The following PIK3C2G variants were observed in gnomAD, a reference collection of about 807,000 sequenced individuals.
The protein encoded by PIK3C2G is phosphatidylinositol-4-phosphate 3-kinase catalytic subunit type 2 gamma, also known as phosphatidylinositol 3-kinase C2 domain-containing subunit gamma.
A neutral mutation model predicts 181.1 loss-of-function variants in PIK3C2G; 168 were observed. The observed-to-expected ratio is 0.93, with a 90% confidence interval of 0.82 to 1.05. The LOEUF is 1.05. PIK3C2G is among the 50% of genes least tolerant of loss of function. PIK3C2G has a pLI of 0.00. For missense variants in PIK3C2G, 1,869 were observed against 1,732.8 expected (o/e 1.08, Z -1.40); for synonymous variants, 573 against 592.2 (o/e 0.97, Z 0.47).
chr12:18,691,769 T>C, the PIK3C2G span, among the ~76,000 whole-genome samples: 1 of 152,294 alleles, frequency 6.6e-6, no homozygotes, highest in East Asian at 1.9e-4. Flanking sequence ...CAATCCAGTG[T>C]TGTAGGCAAT....
At chr12:18,371,888 G>A (rs1227837520) in intron 13 of PIK3C2G, among the ~76,000 whole-genome samples, 2 of 151,996 alleles carry the variant, frequency 1.3e-5, no homozygotes, top group African/African-American at 2.4e-5. Flanking sequence ...ATTACATGAT[G>A]TTCTATGGTA....
At chr12:18,628,403 G>T (rs1173449831) in intron 31 of PIK3C2G, among the ~76,000 whole-genome samples, 1 of 151,906 alleles carries the variant, frequency 6.6e-6, no homozygotes, top group Admixed American at 6.6e-5. Context: ...TTTCTGTTTT[G>T]ATATATTACC....
chr12:18,340,626 A>G (rs1176275167), intron 9 of PIK3C2G, among the ~76,000 whole-genome samples: 2 of 152,210 alleles, frequency 1.3e-5, no homozygotes, highest in African/African-American at 4.8e-5. Context: ...GATAAAATAC[A>G]TGAGATAAGA....
At chr12:18,366,995 T>A (rs1941690513) in intron 12 of PIK3C2G, among the ~76,000 whole-genome samples, 1 of 152,164 alleles carries the variant, frequency 6.6e-6, no homozygotes, top group Admixed American at 6.5e-5. Context: ...AGATTGGCAG[T>A]AACTATCCAC....
chr12:18,532,163 C>T (rs1401612762), intron 24 of PIK3C2G, among the ~76,000 whole-genome samples: 2 of 138,128 alleles, frequency 1.4e-5, no homozygotes, highest in Admixed American at 7.1e-5. Flanking sequence ...TGTTTATTTA[C>T]AATCTGCAAG....
At chr12:18,544,830 A>T (rs188209241) in intron 25 of PIK3C2G, among the ~76,000 whole-genome samples, 54 of 151,956 alleles carry the variant, frequency 3.6e-4, no homozygotes, top group African/African-American at 1.3e-3. Context: ...ATGACAGTCA[A>T]ATCTGTATTA....
intron 18 of PIK3C2G, among the ~76,000 whole-genome samples, chr12:18,485,082 A>T (rs1939905891): frequency 6.6e-6 from 1 of 152,168 alleles, no homozygotes; most frequent in Non-Finnish European, 1.5e-5. Flanking sequence ...CCCACAGAAA[A>T]TACACACGTG....
the PIK3C2G span, chr12:18,687,966 A>G: frequency 4.6e-6 from 6 of 1,302,732 alleles, no homozygotes; most frequent in African/African-American, 8.9e-5. Context: ...CTAATTTTGG[A>G]CATAATGGAA....
At chr12:18,620,636 A>G (rs1397111926) in intron 31 of PIK3C2G, among the ~76,000 whole-genome samples, 1 of 152,138 alleles carries the variant, frequency 6.6e-6, no homozygotes, top group Non-Finnish European at 1.5e-5. Context: ...ATACTCATCC[A>G]TAACTCTTTA....
At chr12:18,396,159 A>T (rs1943879311) in intron 15 of PIK3C2G, among the ~76,000 whole-genome samples, 1 of 151,688 alleles carries the variant, frequency 6.6e-6, no homozygotes. Flanking sequence ...GAACATGTAT[A>T]TAAGCAATTA....
chr12:18,684,822 A>C, the PIK3C2G span, among the ~76,000 whole-genome samples: 2 of 152,022 alleles, frequency 1.3e-5, no homozygotes, highest in Non-Finnish European at 2.9e-5. Flanking sequence ...TTAGGAAGAC[A>C]CCTGGTAGAA....
Position 18,490,590 on chromosome 12 carries a change from T to C in PIK3C2G, c.2686-861T>C, listed in dbSNP as rs192913695. ...CTCTCGGTCTCCATTAGTTCAATTGTTTTAAATTTTAACTGTCACAGATAA... is the reference window on the plus strand; with the variant it reads ...CTCTCGGTCTCCATTAGTTCAATTGCTTTAAATTTTAACTGTCACAGATAA... On this transcript the variant is annotated intron_variant, in intron 19 of 32. Transcript: ENST00000538779. Among the ~76,000 whole-genome samples, 106 of 152,288 alleles carry C rather than the reference T, an allele frequency of 7.0e-4. 1 individual carries two copies. The highest frequency in any genetic ancestry group is 2.5e-3 in the African/African-American group (102 of 41,554).
chr12:18,492,759 T>C (rs1764460029), intron 20 of PIK3C2G, among the ~76,000 whole-genome samples: 1 of 152,206 alleles, frequency 6.6e-6, no homozygotes, highest in Admixed American at 6.5e-5. Context: ...GTTTTTGTTT[T>C]TTTTCACTTA....
chr12:18,481,312 G>T (rs1275548888), intron 18 of PIK3C2G, among the ~76,000 whole-genome samples: 1 of 152,226 alleles, frequency 6.6e-6, no homozygotes, highest in Admixed American at 6.5e-5. Flanking sequence ...CAGGCTCCCG[G>T]GTTGACCACG....
chr12:18,348,938 C>T (rs1939948002), intron 11 of PIK3C2G, among the ~76,000 whole-genome samples: 2 of 152,102 alleles, frequency 1.3e-5, no homozygotes, highest in South Asian at 4.1e-4. Flanking sequence ...GAATCCACTT[C>T]TAAGGTGATA....
In PIK3C2G at chr12:18,338,406, G is replaced by A. The variant is rs1938758152; in HGVS notation, c.1273-20G>A. On this transcript the variant is annotated intron_variant, in intron 8 of 32. Coordinates refer to ENST00000538779, the MANE Select transcript of PIK3C2G (RefSeq NM_001288772.2). ...CATTTATTTCAATAGATTGTAAGATGTGAATCTTGTTATCTACAGGAAAAC... is the reference window on the plus strand; with the variant it reads ...CATTTATTTCAATAGATTGTAAGATATGAATCTTGTTATCTACAGGAAAAC... 3 of 1,508,042 alleles carry A rather than the reference G, an allele frequency of 2.0e-6. No homozygotes were observed. Among genetic ancestry groups the A allele is most frequent in the Non-Finnish European group, 2.7e-6 (3 of 1,098,664 alleles). The allele number at this position is 1,508,042 out of a possible 1,614,324, so 93.4% of individuals were successfully genotyped here.
At chr12:18,265,192 T>C (rs1295701079) in intron 1 of PIK3C2G, among the ~76,000 whole-genome samples, 1 of 152,236 alleles carries the variant, frequency 6.6e-6, no homozygotes, top group Admixed American at 6.5e-5. Context: ...TTCTGCCACT[T>C]GGGCTCTGGT....
chr12:18,456,198 G>A (rs1195103870), intron 18 of PIK3C2G, among the ~76,000 whole-genome samples: 2 of 152,104 alleles, frequency 1.3e-5, no homozygotes, highest in African/African-American at 2.4e-5. Flanking sequence ...AAATGTCCAA[G>A]GTCATGAAGC....
intron 29 of PIK3C2G, among the ~76,000 whole-genome samples, chr12:18,580,612 T>C (rs1428820318): frequency 6.6e-6 from 1 of 152,226 alleles, no homozygotes; most frequent in African/African-American, 2.4e-5. Flanking sequence ...TACTAAAATG[T>C]TGATGACATT....
Sources: allele counts gnomAD v4.1 joint callset (sites outside exome capture counted in the v4.1 genomes callset), GRCh38; gene constraint gnomAD v4.1.1; transcripts MANE v1.5; gene names NCBI Gene and HGNC (gene_info 2026-07-23, HGNC 2026-07-21).